The following ARHGEF10 variants were observed in gnomAD, a reference collection of about 807,000 sequenced individuals.
ARHGEF10 encodes the protein Rho guanine nucleotide exchange factor 10.
In ARHGEF10, 140 loss-of-function variants were observed where a neutral mutation model predicts 147.4. That is an observed-to-expected ratio of 0.95 (90% confidence interval 0.83 to 1.09). The LOEUF (loss-of-function observed/expected upper bound fraction) is 1.09. Ranked by LOEUF, ARHGEF10 falls within the 50% of genes least tolerant of loss-of-function variation. ARHGEF10 has a pLI of 0.00. For missense variants in ARHGEF10, 2,222 were observed against 1,752.7 expected (o/e 1.27, Z -4.78); for synonymous variants, 902 against 695.8 (o/e 1.30, Z -4.67).
chr8:1,859,721 G>T (rs1356906898), intron 3 of ARHGEF10, among the ~76,000 whole-genome samples, 176 bp from the exon 4 acceptor site: 3 of 152,192 alleles, frequency 2.0e-5, no homozygotes, highest in African/African-American at 7.2e-5. Flanking sequence ...GGTGATGCTG[G>T]GTTCCCCATG....
chr8:1,860,261 G>T, intron 4 of ARHGEF10, 77 bp downstream of exon 4: 13 of 1,499,812 alleles, frequency 8.7e-6, no homozygotes, highest in Non-Finnish European at 1.1e-5. Context: ...GTGGCCTGTG[G>T]TTCCCTCCTC....
chr8:1,883,300 C>T (rs1440711450), intron 10 of ARHGEF10, among the ~76,000 whole-genome samples: 5 of 152,066 alleles, frequency 3.3e-5, no homozygotes, highest in African/African-American at 1.2e-4. Flanking sequence ...GGGTCATTTA[C>T]CGTCCGAGGA....
chr8:1,876,861 G>A (rs924213764), intron 8 of ARHGEF10, 127 bp downstream of exon 8: 76 of 1,053,854 alleles, frequency 7.2e-5, no homozygotes, highest in Non-Finnish European at 1.1e-4. Context: ...GTAGTTTGGG[G>A]AAAGCATAAG....
intron 1 of ARHGEF10, chr8:1,825,897 G>A: frequency 1.7e-6 from 1 of 600,582 alleles, no homozygotes; most frequent in East Asian, 2.8e-5. Context: ...AATGCTGCAA[G>A]GAGGAACAAT....
At chr8:1,905,836 C>A in intron 17 of ARHGEF10, 120 bp downstream of exon 17, 1 of 1,309,270 alleles carries the variant, frequency 7.6e-7, no homozygotes, top group Non-Finnish European at 1.1e-6. Context: ...TGTGCCAAAG[C>A]TCTGTCCTGT....
chr8:1,871,762 A>T (rs1280382979), intron 7 of ARHGEF10, among the ~76,000 whole-genome samples: 2 of 152,198 alleles, frequency 1.3e-5, no homozygotes, highest in Admixed American at 1.3e-4. Context: ...GGTTGCGGTG[A>T]GCCGAGGTTG....
chr8:1,866,083 T>A (rs1806584255), intron 5 of ARHGEF10, among the ~76,000 whole-genome samples: 1 of 152,146 alleles, frequency 6.6e-6, no homozygotes, highest in African/African-American at 2.4e-5. Flanking sequence ...GCACCATGGT[T>A]TATGCTGGGT....
rs1813742978 is a variant in ARHGEF10, at chr8:1,937,809, T to A, written c.3222+3867T>A. Reference sequence around the variant, plus strand: ...GAACAGTGCCGGCCTGGGAGCTGCATGTGATCTGGGCTTGGGTTGAGCGGG... The same window carrying A: ...GAACAGTGCCGGCCTGGGAGCTGCAAGTGATCTGGGCTTGGGTTGAGCGGG... On this transcript the variant is annotated intron_variant, in intron 26 of 28. Coordinates refer to ENST00000349830, the MANE Select transcript of ARHGEF10 (RefSeq NM_014629.4). The surrounding 1 kb of genome is among the most constrained non-coding windows in gnomAD (Gnocchi z 4.9). Among the ~76,000 whole-genome samples the A allele has an allele frequency of 6.6e-6, 1 of 152,162 alleles. No homozygotes were observed. The highest frequency in any genetic ancestry group is 1.5e-5 in the Non-Finnish European group (1 of 68,036).
intron 25 of ARHGEF10, among the ~76,000 whole-genome samples, chr8:1,933,322 C>T (rs1247317555): frequency 6.6e-6 from 1 of 152,142 alleles, no homozygotes; most frequent in African/African-American, 2.4e-5. Flanking sequence ...GATGCAGTTC[C>T]TTTTAATGAT....
At position 1,824,110 on chromosome 8, in the gene ARHGEF10, C is replaced by G. The variant is rs1450391328; in HGVS notation, c.-51C>G. The G allele has an allele frequency of 2.0e-5, 3 of 151,810 alleles. No individual in the cohort carries two copies. Among genetic ancestry groups the G allele is most frequent in the Non-Finnish European group, 4.4e-5 (3 of 68,002 alleles). 9.4% of individuals were successfully genotyped at this position (151,810 alleles called of 1,614,324 possible). A position where few individuals can be genotyped will look rare whatever the true frequency, so the allele number is the denominator to read the frequency against. Reference sequence around the variant, plus strand: ...GGACTGCGGGTCGCGTCCTGGCCGCCGAGGTGAGTGCGGGCCCCGCGGACC... The same window carrying G: ...GGACTGCGGGTCGCGTCCTGGCCGCGGAGGTGAGTGCGGGCCCCGCGGACC... On this transcript the variant is annotated 5_prime_UTR_variant, in exon 1 of 29. Transcript: ENST00000349830.
upstream of ARHGEF10, among the ~76,000 whole-genome samples, chr8:1,823,549 C>T (rs891806682): frequency 6.6e-6 from 1 of 152,096 alleles, no homozygotes; most frequent in Non-Finnish European, 1.5e-5. Context: ...TAGGGTCTGC[C>T]CGGCGCACCC....
Position 1,896,377 on chromosome 8 carries a change from C to G in ARHGEF10, c.1485C>G (p.Asn495Lys). 1 of 1,614,014 alleles carries G rather than the reference C, an allele frequency of 6.2e-7. No individual in the cohort carries two copies. The highest frequency in any genetic ancestry group is 8.5e-7 in the Non-Finnish European group (1 of 1,180,018). ...MVLDAYSEYV[N>K]NFSTAVAVLK... ...TGGATGCATACAGTGAATATGTGAA[C>G]AATTTCAGCACAGCCGTGGCAGTCC... Residue 495 changes from asparagine (N) to lysine (K), a missense_variant, in exon 14 of 29, where the codon AAC becomes AAG. Asn to Lys is a moderately conservative substitution (Grantham distance 94). Transcript: ENST00000349830.
intron 13 of ARHGEF10, 50 bp from the exon 14 acceptor site, chr8:1,896,283 G>A (rs759837775): frequency 1.1e-5 from 14 of 1,275,448 alleles, no homozygotes; most frequent in Non-Finnish European, 1.4e-5. Flanking sequence ...TGTTGGAAAA[G>A]GGATATCTGG....
chr8:1,831,639 G>A (rs974198144), intron 1 of ARHGEF10, among the ~76,000 whole-genome samples: 1 of 152,236 alleles, frequency 6.6e-6, no homozygotes, highest in African/African-American at 2.4e-5. Flanking sequence ...AGTGAGTGGT[G>A]AGCGAGTTGG....
intron 1 of ARHGEF10, among the ~76,000 whole-genome samples, chr8:1,824,524 A>T (rs1214671985): frequency 2.0e-5 from 3 of 151,624 alleles, no homozygotes; most frequent in Non-Finnish European, 2.9e-5. Context: ...GGTGTAAGGA[A>T]AGCCGGCGTC....
At chr8:1,876,771 C>G (rs375266478) in intron 8 of ARHGEF10, 37 bp downstream of exon 8, 1 of 1,608,500 alleles carries the variant, frequency 6.2e-7, no homozygotes, top group East Asian at 2.2e-5. Flanking sequence ...ATGGTTCTCT[C>G]GCGTTAACAC....
At chr8:1,844,057 G>A (rs1681698956) in intron 2 of ARHGEF10, among the ~76,000 whole-genome samples, 1 of 152,244 alleles carries the variant, frequency 6.6e-6, no homozygotes, top group African/African-American at 2.4e-5. Context: ...CGTCTGCAGG[G>A]CCTGGAGACC....
intron 17 of ARHGEF10, 121 bp downstream of exon 17, chr8:1,905,837 T>G: frequency 7.7e-7 from 1 of 1,302,012 alleles, no homozygotes; most frequent in Non-Finnish European, 1.1e-6. Flanking sequence ...GTGCCAAAGC[T>G]CTGTCCTGTG....
At chr8:1,867,394 C>G (rs1332364671) in intron 6 of ARHGEF10, among the ~76,000 whole-genome samples, 1 of 152,098 alleles carries the variant, frequency 6.6e-6, no homozygotes, top group Non-Finnish European at 1.5e-5. Flanking sequence ...AGGAAACATC[C>G]AAAAGTGCAT....
Sources: gnomAD v4.1 joint callset for allele counts (sites outside exome capture counted in the v4.1 genomes callset) on GRCh38, gnomAD v4.1.1 for gene constraint, Gnocchi (gnomAD v3.1) non-coding constraint, MANE v1.5 for transcripts, NCBI Gene and HGNC (gene_info 2026-07-23, HGNC 2026-07-21) for gene names.